Variants in CCDC141 observed in about 807,000 individuals in gnomAD.
CCDC141 encodes the protein coiled-coil domain-containing protein 141.
A neutral mutation model predicts 181.0 loss-of-function variants in CCDC141; 168 were observed. The observed-to-expected ratio is 0.93, with a 90% CI of 0.82 to 1.05. The LOEUF (loss-of-function observed/expected upper bound fraction) is 1.05, where lower values mean the gene tolerates loss of function less well. Among genes scored for constraint, CCDC141 ranks in the 50% least tolerant of loss-of-function variants. CCDC141 has a pLI of 0.00. For synonymous variants in CCDC141, 666 were observed against 642.3 expected, an observed-to-expected ratio of 1.04 and a Z score of -0.56; for missense variants, 1,902 against 1,788.5, an observed-to-expected ratio of 1.06 and a Z score of -1.14.
chr2:178,836,785 T>C (rs1360800022), intron 23 of CCDC141, 109 bp downstream of exon 23: 4 of 1,234,162 alleles, frequency 3.2e-6, no homozygotes, highest in East Asian at 2.4e-5. Flanking sequence ...TGCAGTGTCA[T>C]AGAATATTAA....
chr2:178,961,751 A>C (rs1690412447), intron 4 of CCDC141, among the ~76,000 whole-genome samples: 1 of 152,182 alleles, frequency 6.6e-6, no homozygotes, highest in Non-Finnish European at 1.5e-5. Context: ...CAGGACAGGG[A>C]GTAGAATGAG....
At chr2:178,905,214 C>G in intron 8 of CCDC141, 115 bp downstream of exon 8, 1 of 955,724 alleles carries the variant, frequency 1.0e-6, no homozygotes, top group African/African-American at 1.7e-5. Flanking sequence ...TAAGCCATAT[C>G]ATAATGCAGC....
rs2154391876 is a variant in CCDC141, at chr2:179,049,915, A to C, written c.27T>G (p.Val9=). The change falls in exon 1 of 24, where the codon GTT becomes GTG. Residue 9 remains valine, a synonymous_variant. Coordinates refer to ENST00000443758, the MANE Select transcript of CCDC141 (RefSeq NM_173648.4). ...AACTGACTGTCGTCGTAGAAAGCGC[A>C]ACACTAGGACTTCCTTGGCTGGACA... MSSQGSPS[V]ALSTTTVSSV... 6.4e-7 allele frequency: 1 copy of C among 1,550,688 alleles called. No individual in the cohort carries two copies. The highest frequency in any genetic ancestry group is 8.7e-7 in the Non-Finnish European group (1 of 1,146,944).
At chr2:179,015,414 C>CATATATCTCATATATGTACCAT (rs1559049669) in intron 2 of CCDC141, among the ~76,000 whole-genome samples, 9 of 105,034 alleles carry the variant, frequency 8.6e-5, no homozygotes, top group South Asian at 3.1e-4. Flanking sequence ...ATATATGTAC[C>CATATATCTCATATATGTACCAT]ATATATCTCA....
chr2:178,999,850 C>T (rs943272952), intron 2 of CCDC141, among the ~76,000 whole-genome samples: 4 of 151,968 alleles, frequency 2.6e-5, no homozygotes, highest in African/African-American at 7.3e-5. Flanking sequence ...CCTTCCCTGA[C>T]CCTCATCCTC....
At chr2:179,002,523 G>A (rs1240658327) in intron 2 of CCDC141, 3 of 386,652 alleles carry the variant, frequency 7.8e-6, no homozygotes, top group African/African-American at 2.1e-5. Flanking sequence ...AACAATATGT[G>A]GTAAGAAAGG....
At chr2:178,880,494 G>A (rs1042443578) in intron 11 of CCDC141, among the ~76,000 whole-genome samples, 2 of 152,144 alleles carry the variant, frequency 1.3e-5, no homozygotes, top group African/African-American at 4.8e-5. Context: ...AGCCTGAACC[G>A]AGGAAGTGAT....
chr2:178,994,048 G>A (rs1264398324), intron 2 of CCDC141, among the ~76,000 whole-genome samples: 2 of 152,160 alleles, frequency 1.3e-5, no homozygotes, highest in African/African-American at 4.8e-5. Context: ...GGCATTGATT[G>A]TCTGTGGCTT....
chr2:178,891,425 G>A (rs2154371227), intron 8 of CCDC141, among the ~76,000 whole-genome samples: 1 of 152,214 alleles, frequency 6.6e-6, no homozygotes, highest in Non-Finnish European at 1.5e-5. Flanking sequence ...ACCTCATAGT[G>A]CTTTTTCTGG....
chr2:178,990,916 T>C (rs1260807234), intron 2 of CCDC141, among the ~76,000 whole-genome samples: 2 of 152,010 alleles, frequency 1.3e-5, no homozygotes, highest in African/African-American at 4.8e-5. Flanking sequence ...ATCATATGAA[T>C]TGGGTCATTC....
At chr2:178,923,394 G>A (rs570518367) in intron 6 of CCDC141, among the ~76,000 whole-genome samples, 5 of 152,240 alleles carry the variant, frequency 3.3e-5, no homozygotes, top group Admixed American at 2.0e-4. Flanking sequence ...GTGAGCCACC[G>A]CGCCCGGCCC....
chr2:178,817,402 G>A, the CCDC141 span: 19 of 436,766 alleles, frequency 4.4e-5, no homozygotes, highest in Non-Finnish European at 8.4e-5. Context: ...TGTTGGTTTA[G>A]GACAGAAGTA....
rs1486337100 is a variant in CCDC141 at position 178,832,389 on chromosome 2, G to C, written c.*1784C>G. ...CTCAGGAGGCTGAAGCAGGAGAATT[G>C]CTTGAACCCGGAGGTGGAGGTTGCA... is the stretch of plus-strand genomic sequence containing the variant. On this transcript the variant is annotated 3_prime_UTR_variant, in exon 24 of 24. Coordinates refer to ENST00000443758, the MANE Select transcript of CCDC141 (RefSeq NM_173648.4). 2 of 146,748 alleles carry C rather than the reference G, an allele frequency of 1.4e-5. No individual in the cohort carries two copies. Among genetic ancestry groups the C allele is most frequent in the Non-Finnish European group, 1.5e-5 (1 of 67,290 alleles). The allele number at this position is 146,748 out of a possible 1,614,324, so 9.1% of individuals were successfully genotyped here.
rs571710669 is a variant in CCDC141 at position 178,965,715 on chromosome 2, C to A, written c.527-4232G>T. Among the ~76,000 whole-genome samples, 5 of 152,286 alleles carry A rather than the reference C, an allele frequency of 3.3e-5. No individual in the cohort carries two copies. In the South Asian group the frequency reaches 1.0e-3, roughly 32 times the overall value. ...ATTTGGGCAGACACCGAACTAGCTG[C>A]AGGGATTCTTTTTTTCCACACCCCA... On this transcript the variant is annotated intron_variant, in intron 4 of 23. Coordinates refer to ENST00000443758, the MANE Select transcript of CCDC141 (RefSeq NM_173648.4).
At chr2:178,964,401 G>A (rs1347918078) in intron 4 of CCDC141, among the ~76,000 whole-genome samples, 1 of 152,104 alleles carries the variant, frequency 6.6e-6, no homozygotes, top group East Asian at 1.9e-4. Flanking sequence ...GGCCCTCAGG[G>A]TATTGCAGAC....
intron 2 of CCDC141, among the ~76,000 whole-genome samples, chr2:179,025,104 T>G (rs77710151): frequency 2.0e-5 from 3 of 151,984 alleles, no homozygotes; most frequent in Non-Finnish European, 4.4e-5. Context: ...TCTTTTTCTT[T>G]TCTTTTTTTT....
intron 8 of CCDC141, among the ~76,000 whole-genome samples, chr2:178,902,858 C>T (rs1278194786): frequency 2.0e-5 from 3 of 149,550 alleles, no homozygotes; most frequent in African/African-American, 2.4e-5. Context: ...ACCTACTCAT[C>T]TGACAAAGGG....
At chr2:178,834,976 A>G (rs1378764185) in intron 23 of CCDC141, among the ~76,000 whole-genome samples, 2 of 152,104 alleles carry the variant, frequency 1.3e-5, no homozygotes, top group African/African-American at 4.8e-5. Flanking sequence ...GGAATATTGC[A>G]TATGAAAATT....
chr2:178,881,915 T>TCTCACACACA (rs1465946696), intron 11 of CCDC141, among the ~76,000 whole-genome samples: 1 of 92,286 alleles, frequency 1.1e-5, no homozygotes, highest in African/African-American at 3.9e-5. Context: ...TCTCTCTCTC[T>TCTCACACACA]CACACACACA....
Sources: allele counts gnomAD v4.1 joint callset (sites outside exome capture counted in the v4.1 genomes callset), GRCh38; gene constraint gnomAD v4.1.1; transcripts MANE v1.5; gene names NCBI Gene and HGNC (gene_info 2026-07-23, HGNC 2026-07-21).